Variants in VAV2 observed in about 807,000 individuals in gnomAD.
VAV2 encodes the protein vav guanine nucleotide exchange factor 2, also known as guanine nucleotide exchange factor VAV2.
A neutral mutation model predicts 132.5 loss-of-function variants in VAV2; 67 were observed. That is an observed-to-expected ratio of 0.51 (90% CI 0.42 to 0.62). The LOEUF (loss-of-function observed/expected upper bound fraction) is 0.62, where lower values mean the gene tolerates loss of function less well. Among genes scored for constraint, VAV2 ranks in the 20% least tolerant of loss-of-function variants. The pLI, the probability that VAV2 is intolerant of heterozygous loss-of-function variation, is 0.00. For synonymous variants in VAV2, 492 were observed against 443.5 expected, an observed-to-expected ratio of 1.11 and a Z score of -1.37; for missense variants, 938 against 1,153.6, an observed-to-expected ratio of 0.81 and a Z score of 2.71.
intron 1 of VAV2, among the ~76,000 whole-genome samples, chr9:133,950,520 A>G (rs1391596591): frequency 6.6e-6 from 1 of 152,180 alleles, no homozygotes; most frequent in Non-Finnish European, 1.5e-5. Context: ...CGGGGGGTAT[A>G]AAGAGTGGCC....
intron 3 of VAV2, among the ~76,000 whole-genome samples, chr9:133,835,179 G>T (rs916444649): frequency 6.6e-6 from 1 of 152,142 alleles, no homozygotes; most frequent in Non-Finnish European, 1.5e-5. Flanking sequence ...TCTGTCTTAT[G>T]TCAATTTAAT....
rs1444808562 is a variant in VAV2 at position 133,928,538 on chromosome 9, T to C, written c.321+10565A>G. 1.3e-5 allele frequency among the ~76,000 whole-genome samples: 2 copies of C among 152,168 alleles called. No individual in the cohort carries two copies. Among genetic ancestry groups the C allele is most frequent in the Non-Finnish European group, 2.9e-5 (2 of 68,034 alleles). On this transcript the variant is annotated intron_variant, in intron 2 of 29. Transcript: ENST00000371850. The surrounding 1 kb of genome is among the most constrained non-coding windows in gnomAD (Gnocchi z 5.4). Reference sequence around the variant, plus strand: ...AAATGAACTCACCGCAGCATTAGCATCTCAGAGTCATCAGACCGACTGGCA... The same window carrying C: ...AAATGAACTCACCGCAGCATTAGCACCTCAGAGTCATCAGACCGACTGGCA...
intron 2 of VAV2, among the ~76,000 whole-genome samples, chr9:133,907,991 C>A (rs1284906542): frequency 7.4e-6 from 1 of 135,224 alleles, no homozygotes; most frequent in African/African-American, 2.8e-5. Flanking sequence ...CACCCCACCC[C>A]CCTTCCTTCT....
chr9:133,904,415 C>G (rs2519790), intron 2 of VAV2, among the ~76,000 whole-genome samples: 108,010 of 152,224 alleles, frequency 0.71, 42,110 homozygotes, highest in East Asian at 0.98. Context: ...TCATGTCCTC[C>G]AGGGTCCCGT....
intron 2 of VAV2, among the ~76,000 whole-genome samples, chr9:133,872,396 T>C (rs551906494): frequency 6.6e-6 from 1 of 152,296 alleles, no homozygotes; most frequent in South Asian, 2.1e-4. Context: ...GTGGCCAGGC[T>C]AGAGGAAAAG....
rs575066631 is a variant in VAV2 at position 133,806,570 on chromosome 9, G to A, written c.736-389C>T. 2.3e-3 allele frequency among the ~76,000 whole-genome samples: 354 copies of A among 151,586 alleles called. 4 individuals are homozygous for A. Among genetic ancestry groups the A allele is most frequent in the African/African-American group, 8.0e-3 (332 of 41,394 alleles). ...CCCCGCCCCAGGCCTCTTTCTGTCT[G>A]TGCTCCTCCATCCTGGCCACAGCTC... On this transcript the variant is annotated intron_variant, in intron 8 of 29. Coordinates refer to ENST00000371850, the MANE Select transcript of VAV2 (RefSeq NM_001134398.2).
At position 133,820,321 on chromosome 9, in the gene VAV2, T is replaced by C. The variant is rs538400855; in HGVS notation, c.450-8105A>G. Among the ~76,000 whole-genome samples, 8 of 149,118 alleles carry C rather than the reference T, an allele frequency of 5.4e-5. No homozygotes were observed. In the East Asian group the frequency reaches 1.5e-3, roughly 29 times the overall value. The stretch of plus-strand genomic sequence containing the variant: ...GCCATCTCCATAAACAAGTTTCTTT[T>C]TCTTTTTCTTTTTTTTTTTTTTGAG... On this transcript the variant is annotated intron_variant, in intron 4 of 29. Transcript: ENST00000371850.
At position 133,780,049 on chromosome 9, in the gene VAV2, G is replaced by A. The variant is rs764052778; in HGVS notation, c.1741-110C>T. 15 of 1,454,570 alleles carry A rather than the reference G, an allele frequency of 1.0e-5. No individual in the cohort carries two copies. The Admixed American group carries it at 2.4e-4, about 24-fold the overall frequency. 90.1% of individuals were successfully genotyped at this position (1,454,570 alleles called of 1,614,324 possible). On this transcript the variant is annotated intron_variant, in intron 20 of 29. Coordinates refer to ENST00000371850, the MANE Select transcript of VAV2 (RefSeq NM_001134398.2). ...GTCCCCACTAGTTCCTAGATAGAGG[G>A]GTCAAGGCAGGAGCAGGGGAGGAGA... is the stretch of plus-strand genomic sequence containing the variant.
Position 133,802,276 on chromosome 9 carries a change from GCACACA to G in VAV2, c.836+3799_836+3804del. ...ATAACACACACGGGCACACATGTAT[GCACACA>G]CACACACATGCATGTGCACACAAAC... On this transcript the variant is annotated intron_variant, in intron 9 of 29. Coordinates refer to ENST00000371850, the MANE Select transcript of VAV2 (RefSeq NM_001134398.2). The surrounding 1 kb of genome is among the most constrained non-coding windows in gnomAD (Gnocchi z 5.8). 6.7e-6 allele frequency among the ~76,000 whole-genome samples: 1 copy of G among 150,204 alleles called. No individual in the cohort carries two copies. Among genetic ancestry groups the G allele is most frequent in the African/African-American group, 2.5e-5 (1 of 40,788 alleles).
chr9:133,974,472 C>T (rs1842441921), intron 1 of VAV2, among the ~76,000 whole-genome samples: 1 of 152,142 alleles, frequency 6.6e-6, no homozygotes, highest in South Asian at 2.1e-4. Flanking sequence ...CCGTTTGCTA[C>T]CTGCTTTTGC....
chr9:133,807,422 C>G (rs186437271), intron 7 of VAV2, 96 bp from the exon 8 acceptor site: 30 of 1,309,794 alleles, frequency 2.3e-5, no homozygotes, highest in Non-Finnish European at 2.8e-5. Flanking sequence ...AGCTCCGAGG[C>G]AGGCACTGGG....
intron 3 of VAV2, among the ~76,000 whole-genome samples, chr9:133,842,885 G>A (rs917068586): frequency 1.3e-5 from 2 of 152,364 alleles, no homozygotes; most frequent in East Asian, 1.9e-4. Flanking sequence ...AAACTTGAAA[G>A]GCACCATCAG....
chr9:133,763,695 C>G lies in VAV2; in HGVS notation c.*367G>C. The G allele has an allele frequency of 3.6e-6, 1 of 280,590 alleles. No individual in the cohort carries two copies. Among genetic ancestry groups the G allele is most frequent in the Non-Finnish European group, 6.9e-6 (1 of 144,548 alleles). The allele number at this position is 280,590 out of a possible 1,614,324, so 17.4% of individuals were successfully genotyped here. A position where few individuals can be genotyped will look rare whatever the true frequency, so the allele number is the denominator to read the frequency against. On this transcript the variant is annotated 3_prime_UTR_variant, in exon 30 of 30. Transcript: ENST00000371850. This position sits in a 1 kb window ranked among gnomAD's most constrained non-coding sequence, Gnocchi z 6.8. The stretch of plus-strand genomic sequence containing the variant: ...TCCCTAGCCCTTCCTGGGACAGCAT[C>G]TGCTGTTCAAACCTAGGCTCCTGAA...
At chr9:133,779,778 G>A (rs1176122285) in intron 21 of VAV2, 140 bp downstream of exon 21, 23 of 1,148,910 alleles carry the variant, frequency 2.0e-5, no homozygotes, top group Admixed American at 1.8e-4. Flanking sequence ...AGAGGGAGGG[G>A]GCCCAGATGG....
chr9:133,849,324 C>G (rs1414057633), intron 3 of VAV2, among the ~76,000 whole-genome samples: 3 of 152,206 alleles, frequency 2.0e-5, no homozygotes, highest in African/African-American at 7.2e-5. Context: ...CCTCCCCCAC[C>G]AGCTGCGGGC....
chr9:133,948,231 G>T (rs1841435026), intron 1 of VAV2, among the ~76,000 whole-genome samples: 1 of 152,230 alleles, frequency 6.6e-6, no homozygotes, highest in Non-Finnish European at 1.5e-5. Flanking sequence ...AGTTGATTTT[G>T]TCTGGACAAT....
rs951058129 is a variant in VAV2, at chr9:133,821,296, G to A, written c.450-9080C>T. 3.3e-5 allele frequency among the ~76,000 whole-genome samples: 5 copies of A among 152,326 alleles called. 1 individual carries two copies. The highest frequency in any genetic ancestry group is 6.8e-3 in the Middle Eastern group (2 of 294). On this transcript the variant is annotated intron_variant, in intron 4 of 29. Transcript: ENST00000371850. Reference sequence around the variant, plus strand: ...CAGTCCTCATCACTTCGGAACAGGCGGGCCGCAGTGGGTCTCTTGTTGGCA... The same window carrying A: ...CAGTCCTCATCACTTCGGAACAGGCAGGCCGCAGTGGGTCTCTTGTTGGCA...
At chr9:133,965,768 A>G (rs1842123047) in intron 1 of VAV2, among the ~76,000 whole-genome samples, 1 of 152,218 alleles carries the variant, frequency 6.6e-6, no homozygotes, top group Non-Finnish European at 1.5e-5. Flanking sequence ...CTTCAAAGAA[A>G]TAGAAAAAAC....
intron 1 of VAV2, among the ~76,000 whole-genome samples, chr9:133,983,667 C>G (rs1842766356): frequency 6.6e-6 from 1 of 152,160 alleles, no homozygotes; most frequent in Admixed American, 6.5e-5. Flanking sequence ...CAACGCCAGG[C>G]TATGCTGTCC....
Sources: allele counts gnomAD v4.1 joint callset (sites outside exome capture counted in the v4.1 genomes callset), GRCh38; gene constraint gnomAD v4.1.1; non-coding constraint Gnocchi (gnomAD v3.1); transcripts MANE v1.5; gene names NCBI Gene and HGNC (gene_info 2026-07-23, HGNC 2026-07-21).